The following PHF14 variants were observed in gnomAD, a reference collection of about 807,000 sequenced individuals.
PHF14 encodes PHD finger protein 14.
PHF14 carries 55 observed loss-of-function variants against 117.9 expected under a neutral mutation model. The observed-to-expected ratio is 0.47, with a 90% CI of 0.38 to 0.58. PHF14 has a LOEUF of 0.58. Ranked by LOEUF, PHF14 falls within the 20% of genes least tolerant of loss-of-function variation. PHF14 has a pLI of 0.00. For synonymous variants in PHF14, 409 were observed against 368.6 expected (o/e 1.11, Z -1.26); for missense variants, 978 against 1,122.2 (o/e 0.87, Z 1.84).
At chr7:11,147,854 T>A (rs1788591342) in intron 17 of PHF14, among the ~76,000 whole-genome samples, 1 of 152,168 alleles carries the variant, frequency 6.6e-6, no homozygotes, top group South Asian at 2.1e-4. Flanking sequence ...AATTCATATA[T>A]TCAAATGTTT....
At chr7:11,143,406 C>T (rs574814194) in intron 17 of PHF14, among the ~76,000 whole-genome samples, 1 of 152,128 alleles carries the variant, frequency 6.6e-6, no homozygotes, top group East Asian at 1.9e-4. Flanking sequence ...TAGGCATGAG[C>T]CACCATGCCC....
At chr7:11,007,164 GC>G (rs1783144025) in intron 4 of PHF14, among the ~76,000 whole-genome samples, 1 of 151,812 alleles carries the variant, frequency 6.6e-6, no homozygotes, top group African/African-American at 2.4e-5. Flanking sequence ...TTGCACTCCA[GC>G]CCGGGTAACA....
At chr7:11,104,935 A>C (rs1270697440) in intron 16 of PHF14, 1 of 970,180 alleles carries the variant, frequency 1.0e-6, no homozygotes, top group African/African-American at 1.8e-5. Context: ...TGTGCTTTTA[A>C]CATCTCCTTA....
intron 4 of PHF14, among the ~76,000 whole-genome samples, chr7:11,000,618 C>T (rs1176673041): frequency 1.3e-5 from 2 of 152,090 alleles, no homozygotes; most frequent in African/African-American, 4.8e-5. Flanking sequence ...GGATTACAGG[C>T]GTGAGCCACC....
intron 17 of PHF14, among the ~76,000 whole-genome samples, chr7:11,158,057 T>C (rs1338221460): frequency 1.3e-5 from 2 of 152,144 alleles, no homozygotes; most frequent in Non-Finnish European, 2.9e-5. Flanking sequence ...TATATAAGCA[T>C]AGAACAATTC....
intron 4 of PHF14, among the ~76,000 whole-genome samples, chr7:10,992,077 ACAG>A (rs1203300936): frequency 2.0e-5 from 3 of 151,654 alleles, no homozygotes; most frequent in Admixed American, 2.0e-4. Flanking sequence ...TATTTTTGAG[ACAG>A]AGTCTTGCTC....
At chr7:11,101,194 C>T (rs1787074221) in intron 16 of PHF14, among the ~76,000 whole-genome samples, 1 of 151,800 alleles carries the variant, frequency 6.6e-6, no homozygotes, top group Non-Finnish European at 1.5e-5. Flanking sequence ...AACTTATCAA[C>T]TTGAATTTAA....
intron 16 of PHF14, among the ~76,000 whole-genome samples, chr7:11,077,520 G>A (rs1196247959): frequency 6.8e-6 from 1 of 146,236 alleles, no homozygotes; most frequent in African/African-American, 2.6e-5. Flanking sequence ...AGAATCACTT[G>A]AACCCAGGAG....
rs532453517 is a variant in PHF14, at chr7:11,038,898, C to A, written c.2076+43C>A. 4 of 899,560 alleles carry A rather than the reference C, an allele frequency of 4.4e-6. No homozygotes were observed. In the Admixed American group the frequency reaches 9.6e-5, roughly 22 times the overall value. 55.7% of individuals were successfully genotyped at this position (899,560 alleles called of 1,614,324 possible). A position where few individuals can be genotyped will look rare whatever the true frequency, so the allele number is the denominator to read the frequency against. ...TGCTGTCTCCTTCAGTTCTTGCTCC[C>A]TATATGATTTTCAAAGAACAGATTT... is the stretch of plus-strand genomic sequence containing the variant. On this transcript the variant is annotated intron_variant, in intron 11 of 17. Coordinates refer to ENST00000634607, the MANE Select transcript of PHF14 (RefSeq NM_001007157.2).
chr7:11,161,177 C>G (rs1789012955), intron 17 of PHF14, among the ~76,000 whole-genome samples: 1 of 151,622 alleles, frequency 6.6e-6, no homozygotes, highest in Non-Finnish European at 1.5e-5. Context: ...GATATTATGA[C>G]TTTTTTTTAA....
chr7:11,036,044 G>A (rs1784316898), intron 8 of PHF14, among the ~76,000 whole-genome samples: 1 of 152,104 alleles, frequency 6.6e-6, no homozygotes, highest in Non-Finnish European at 1.5e-5. Context: ...TACTCTATCA[G>A]TGCAATATAT....
Position 10,982,737 on chromosome 7 carries a change from G to A in PHF14, c.478G>A (p.Val160Ile), listed in dbSNP as rs979510405. The A allele has an allele frequency of 1.2e-6, 2 of 1,613,504 alleles. No homozygotes were observed. The highest frequency in any genetic ancestry group is 2.7e-5 in the African/African-American group (2 of 74,918). Residue 160 changes from valine (V) to isoleucine (I), a missense_variant, in exon 3 of 18, where the codon GTT becomes ATT. This residue lies in a region of PHF14 where 414 missense variants were observed against 376.4 expected (regional missense o/e 1.10). Transcript: ENST00000634607. Reference sequence around the variant, plus strand: ...CACACCAGCCACAAGTCCTCCTGCTGTTAACACATCCCCTTCTGTTCCCAC... The same window carrying A: ...CACACCAGCCACAAGTCCTCCTGCTATTAACACATCCCCTTCTGTTCCCAC... ...ATTPATSPPA[V>I]NTSPSVPTTT...
chr7:11,153,514 T>C (rs1411807053), intron 17 of PHF14, among the ~76,000 whole-genome samples: 1 of 152,028 alleles, frequency 6.6e-6, no homozygotes, highest in Non-Finnish European at 1.5e-5. Context: ...GTTTAAAGCA[T>C]GGTATAGATG....
intron 17 of PHF14, among the ~76,000 whole-genome samples, chr7:11,133,200 C>A (rs928202736): frequency 2.6e-5 from 4 of 151,862 alleles, no homozygotes; most frequent in Non-Finnish European, 2.9e-5. Context: ...TTTTGACAAA[C>A]TGATTCTCAA....
chr7:11,077,082 C>G (rs1296482701), intron 16 of PHF14, among the ~76,000 whole-genome samples: 1 of 151,812 alleles, frequency 6.6e-6, no homozygotes, highest in Non-Finnish European at 1.5e-5. Flanking sequence ...TTAGGAAATT[C>G]ATAGTATGTT....
intron 5 of PHF14, among the ~76,000 whole-genome samples, chr7:11,021,627 A>G (rs1783739521): frequency 6.6e-6 from 1 of 152,188 alleles, no homozygotes; most frequent in Non-Finnish European, 1.5e-5. Flanking sequence ...GTATAGCGAC[A>G]TTTAATACAT....
Position 10,987,635 on chromosome 7 carries a change from C to T in PHF14, c.901-3068C>T, listed in dbSNP as rs984532615. Among the ~76,000 whole-genome samples the T allele has an allele frequency of 1.3e-4, 20 of 151,954 alleles. 1 individual carries two copies. The highest frequency in any genetic ancestry group is 4.8e-4 in the African/African-American group (20 of 41,460). On this transcript the variant is annotated intron_variant, in intron 3 of 17. Transcript: ENST00000634607. ...TATTCCATCATAATAAAGTTATTTT[C>T]TAGGTGGTACTTTTTTGCCATTCAA...
rs184495739 is a variant in PHF14, at chr7:11,048,529, G to A, written c.2313-3083G>A. Among the ~76,000 whole-genome samples the A allele has an allele frequency of 1.6e-4, 24 of 152,308 alleles. No homozygotes were observed. In the East Asian group the frequency reaches 3.5e-3, roughly 22 times the overall value. ...GAGGTTACAGTGAGCCTTAGATCATGCCACTGCACTCCAGCCTTGGCAATA... is the reference window on the plus strand; with the variant it reads ...GAGGTTACAGTGAGCCTTAGATCATACCACTGCACTCCAGCCTTGGCAATA... On this transcript the variant is annotated intron_variant, in intron 13 of 17. Coordinates refer to ENST00000634607, the MANE Select transcript of PHF14 (RefSeq NM_001007157.2).
intron 7 of PHF14, among the ~76,000 whole-genome samples, chr7:11,031,035 A>G (rs1488592027): frequency 6.6e-6 from 1 of 152,198 alleles, no homozygotes; most frequent in Non-Finnish European, 1.5e-5. Flanking sequence ...AGCATTTAAA[A>G]TTAAGAAACA....
Sources: gnomAD v4.1 joint callset for allele counts (sites outside exome capture counted in the v4.1 genomes callset) on GRCh38, gnomAD v4.1.1 for gene constraint, gnomAD v4.1.1 regional missense constraint, MANE v1.5 for transcripts, NCBI Gene and HGNC (gene_info 2026-07-23, HGNC 2026-07-21) for gene names.